The following MLNR variants were observed in gnomAD, a reference collection of about 807,000 sequenced individuals.
The protein encoded by MLNR is motilin receptor, also known as G protein-coupled receptor 38.
In MLNR, 16 loss-of-function variants were observed where a neutral mutation model predicts 20.0. That is an observed-to-expected ratio of 0.80 (90% CI 0.54 to 1.22). MLNR has a LOEUF of 1.22. MLNR is among the 50% of genes most tolerant of loss of function. The pLI is 0.00. For synonymous variants in MLNR, 302 were observed against 287.2 expected, an observed-to-expected ratio of 1.05 and a Z score of -0.52; for missense variants, 630 against 592.3, an observed-to-expected ratio of 1.06 and a Z score of -0.66.
At position 49,221,053 on chromosome 13, in the gene MLNR, CCG is replaced by C. The variant is rs757735097; in HGVS notation, c.720_721del (p.Gln241AlafsTer96). On this transcript the variant is annotated frameshift_variant, in exon 1 of 2. Coordinates refer to ENST00000218721, the MANE Select transcript of MLNR (RefSeq NM_001507.1). LOFTEE classifies it high-confidence loss of function. ...TTCAGCCGCGAATGCCGGCCGAGCC[CCG>C]CGCAGCTGGGCGCGCTGCGTGTCAT... 2 of 1,573,486 alleles carry C rather than the reference CCG, an allele frequency of 1.3e-6. No homozygotes were observed. The highest frequency in any genetic ancestry group is 1.7e-5 in the Admixed American group (1 of 57,214).
At chr13:49,221,614 A>C (rs1375957643) in intron 1 of MLNR, among the ~76,000 whole-genome samples, 1 of 152,270 alleles carries the variant, frequency 6.6e-6, no homozygotes, top group Non-Finnish European at 1.5e-5. Flanking sequence ...GGGAGATTTC[A>C]TTAAGCTAAA....
Position 49,222,076 on chromosome 13 carries a change from C to T in MLNR, c.938C>T (p.Pro313Leu), listed in dbSNP as rs766557972. 4 of 1,613,968 alleles carry T rather than the reference C, an allele frequency of 2.5e-6. No homozygotes were observed. Among genetic ancestry groups the T allele is most frequent in the Non-Finnish European group, 3.4e-6 (4 of 1,179,984 alleles). The change falls in exon 2 of 2, where the codon CCC (proline) becomes CTC (leucine). Residue 313 changes from proline to leucine, a missense_variant. By Grantham distance (98) the Pro-to-Leu change is moderately conservative. Transcript: ENST00000218721. Reference protein sequence around the residue: ...VVLAFIICWLPFHVGRIIYIN... With the variant: ...VVLAFIICWLLFHVGRIIYIN... ...CTGGCATTTATAATTTGCTGGTTGC[C>T]CTTCCACGTTGGCAGAATCATTTAC...
At position 49,220,469 on chromosome 13, in the gene MLNR, G is replaced by T; in HGVS notation, c.132G>T (p.Val44=). The change falls in exon 1 of 2, where the codon GTG becomes GTT. Residue 44 remains valine (V), a synonymous_variant. Coordinates refer to ENST00000218721, the MANE Select transcript of MLNR (RefSeq NM_001507.1). This position sits in a 1 kb window ranked among gnomAD's most constrained non-coding sequence, Gnocchi z 4.4. ...PLGALVPVTA[V]CLCLFVVGVS... ...GGGCGCTGGTGCCGGTGACCGCTGT[G>T]TGCCTGTGCCTGTTCGTCGTCGGGG... The T allele has an allele frequency of 6.3e-7, 1 of 1,576,530 alleles. No homozygotes were observed.
At position 49,222,314 on chromosome 13, in the gene MLNR, G is replaced by A; in HGVS notation, c.1176G>A (p.Gly392=). The part of the protein sequence containing the change: ...RSRDTAGEVA[G]DTGGDTVGYT... Reference sequence around the variant, plus strand: ...GGGACACTGCGGGGGAAGTTGCAGGGGACACTGGAGGAGACACGGTGGGCT... The same window carrying A: ...GGGACACTGCGGGGGAAGTTGCAGGAGACACTGGAGGAGACACGGTGGGCT... The change falls in exon 2 of 2, where the codon GGG becomes GGA. Residue 392 remains glycine (G), a synonymous_variant. Transcript: ENST00000218721. 6.2e-7 allele frequency: 1 copy of A among 1,613,820 alleles called. No homozygotes were observed.
Position 49,220,979 on chromosome 13 carries a change from A to ACCGCCGTCC in MLNR, c.651_659dup (p.Pro218_Ser220dup), listed in dbSNP as rs1447307884. Reference sequence around the variant, plus strand: ...CGCCTCTCTGGCTCTCGCGGGCGCCACCGCCGTCCCCGCCGTCGGGGCCCG... The same window carrying ACCGCCGTCC: ...CGCCTCTCTGGCTCTCGCGGGCGCCACCGCCGTCCCCGCCGTCCCCGCCGTCGGGGCCCG... On this transcript the variant is annotated inframe_insertion, in exon 1 of 2. Coordinates refer to ENST00000218721, the MANE Select transcript of MLNR (RefSeq NM_001507.1). This position sits in a 1 kb window ranked among gnomAD's most constrained non-coding sequence, Gnocchi z 4.4. 2 of 1,490,682 alleles carry ACCGCCGTCC rather than the reference A, an allele frequency of 1.3e-6. No homozygotes were observed. Among genetic ancestry groups the ACCGCCGTCC allele is most frequent in the South Asian group, 1.3e-5 (1 of 78,444 alleles). 92.3% of individuals were successfully genotyped at this position (1,490,682 alleles called of 1,614,324 possible). A position where few individuals can be genotyped will look rare whatever the true frequency, so the allele number is the denominator to read the frequency against.
chr13:49,220,973 G>T lies in MLNR; in HGVS notation c.636G>T (p.Arg212=). The change falls in exon 1 of 2, where the codon CGG becomes CGT. Residue 212 remains arginine, a synonymous_variant. Coordinates refer to ENST00000218721, the MANE Select transcript of MLNR (RefSeq NM_001507.1). This position sits in a 1 kb window ranked among gnomAD's most constrained non-coding sequence, Gnocchi z 4.4. The part of the protein sequence containing the change: ...LASSPPLWLS[R]APPPSPPSGP... Reference sequence around the variant, plus strand: ...CGTCGCCGCCTCTCTGGCTCTCGCGGGCGCCACCGCCGTCCCCGCCGTCGG... The same window carrying T: ...CGTCGCCGCCTCTCTGGCTCTCGCGTGCGCCACCGCCGTCCCCGCCGTCGG... 1 of 1,493,092 alleles carries T rather than the reference G, an allele frequency of 6.7e-7. No homozygotes were observed. The highest frequency in any genetic ancestry group is 8.9e-7 in the Non-Finnish European group (1 of 1,126,678). The allele number at this position is 1,493,092 out of a possible 1,614,324, so 92.5% of individuals were successfully genotyped here. A position where few individuals can be genotyped will look rare whatever the true frequency, so the allele number is the denominator to read the frequency against.
In MLNR at chr13:49,221,158, T is replaced by C. The variant is rs770340952; in HGVS notation, c.821T>C (p.Leu274Pro). The C allele has an allele frequency of 6.3e-7, 1 of 1,590,014 alleles. No homozygotes were observed. Among genetic ancestry groups the C allele is most frequent in the Non-Finnish European group, 8.5e-7 (1 of 1,176,542 alleles). ...CTCTACGGGCTCATCGGGCGGGAGC[T>C]GTGGAGCAGCCGGCGGCCGCTGCGA... ...SILYGLIGRELWSSRRPLRGP... is the reference protein window; with the variant it reads ...SILYGLIGREPWSSRRPLRGP... The change falls in exon 1 of 2, where the codon CTG (leucine) becomes CCG (proline). Residue 274 changes from leucine to proline, a missense_variant. By Grantham distance (98) the Leu-to-Pro change is moderately conservative (BLOSUM62 -3). Transcript: ENST00000218721.
In MLNR at chr13:49,221,165, C is replaced by T. The variant is rs748956186; in HGVS notation, c.828C>T (p.Ser276=). The change falls in exon 1 of 2, where the codon AGC becomes AGT. Residue 276 remains serine (S), a synonymous_variant. Coordinates refer to ENST00000218721, the MANE Select transcript of MLNR (RefSeq NM_001507.1). ...LYGLIGRELW[S]SRRPLRGPAA... ...GGCTCATCGGGCGGGAGCTGTGGAGCAGCCGGCGGCCGCTGCGAGGCCCGG... is the reference window on the plus strand; with the variant it reads ...GGCTCATCGGGCGGGAGCTGTGGAGTAGCCGGCGGCCGCTGCGAGGCCCGG... 1.9e-5 allele frequency: 30 copies of T among 1,587,864 alleles called. No individual in the cohort carries two copies. Among genetic ancestry groups the T allele is most frequent in the Non-Finnish European group, 2.6e-5 (30 of 1,175,870 alleles).
rs760118501 is a variant in MLNR, at chr13:49,222,216, A to C, written c.1078A>C (p.Lys360Gln). 1.9e-6 allele frequency: 3 copies of C among 1,614,096 alleles called. No homozygotes were observed. The South Asian group carries it at 3.3e-5, about 18-fold the overall frequency. ...INPILYNLISKKYRAAAFKLL... is the reference protein window; with the variant it reads ...INPILYNLISQKYRAAAFKLL... ...CCCAATCCTCTACAACCTCATTTCA[A>C]AGAAGTACAGAGCGGCGGCCTTTAA... The change falls in exon 2 of 2, where the codon AAG becomes CAG. Residue 360 changes from lysine (K) to glutamine (Q), a missense_variant. Coordinates refer to ENST00000218721, the MANE Select transcript of MLNR (RefSeq NM_001507.1).
Position 49,222,331 on chromosome 13 carries a change from C to A in MLNR, c.1193C>A (p.Thr398Lys), listed in dbSNP as rs200347707. Residue 398 changes from threonine to lysine, a missense_variant, in exon 2 of 2, where the codon ACG becomes AAG. By Grantham distance (78) the Thr-to-Lys change is moderately conservative. Coordinates refer to ENST00000218721, the MANE Select transcript of MLNR (RefSeq NM_001507.1). ...GTTGCAGGGGACACTGGAGGAGACA[C>A]GGTGGGCTACACCGAGACAAGCGCT... Reference protein sequence around the residue: ...GEVAGDTGGDTVGYTETSANV... With the variant: ...GEVAGDTGGDKVGYTETSANV... 1.9e-6 allele frequency: 3 copies of A among 1,610,408 alleles called. No individual in the cohort carries two copies. Among genetic ancestry groups the A allele is most frequent in the South Asian group, 2.2e-5 (2 of 90,818 alleles).
chr13:49,221,481 T>G, intron 1 of MLNR: 6 of 546,274 alleles, frequency 1.1e-5, no homozygotes, highest in Admixed American at 3.3e-5. Flanking sequence ...CCGGATCCGA[T>G]TCAGTAACCA....
rs753311819 is a variant in MLNR at position 49,220,601 on chromosome 13, G to C, written c.264G>C (p.Leu88=). ...GSMAVSDLLI[L]LGLPFDLYRL... The stretch of plus-strand genomic sequence containing the variant: ...TGGCCGTGTCCGACCTACTCATCCT[G>C]CTCGGGCTGCCGTTCGACCTGTACC... The change falls in exon 1 of 2, where the codon CTG becomes CTC. Residue 88 remains leucine, a synonymous_variant. Transcript: ENST00000218721. The surrounding 1 kb of genome is among the most constrained non-coding windows in gnomAD (Gnocchi z 4.4). The C allele has an allele frequency of 3.7e-6, 6 of 1,612,954 alleles. No homozygotes were observed. In the African/African-American group the frequency reaches 8.0e-5, roughly 22 times the overall value.
At position 49,220,535 on chromosome 13, in the gene MLNR, C is replaced by A; in HGVS notation, c.198C>A (p.Tyr66Ter). The change falls in exon 1 of 2, where the codon TAC becomes TAA. Residue 66 changes from tyrosine to a stop codon, truncating the protein, a stop_gained. Coordinates refer to ENST00000218721, the MANE Select transcript of MLNR (RefSeq NM_001507.1). LOFTEE classifies it high-confidence loss of function. The surrounding 1 kb of genome is among the most constrained non-coding windows in gnomAD (Gnocchi z 4.4). The stretch of plus-strand genomic sequence containing the variant: ...TGACCGTGATGCTGATCGGGCGCTA[C>A]CGGGACATGCGGACCACCACCAACT... ...NVVTVMLIGR[Y>*]RDMRTTTNLY... The A allele has an allele frequency of 6.2e-7, 1 of 1,611,514 alleles. No individual in the cohort carries two copies. The highest frequency in any genetic ancestry group is 8.5e-7 in the Non-Finnish European group (1 of 1,178,876).
Position 49,221,197 on chromosome 13 carries a change from C to T in MLNR, c.860C>T (p.Ser287Leu), listed in dbSNP as rs1222294284. 2 of 1,585,746 alleles carry T rather than the reference C, an allele frequency of 1.3e-6. No individual in the cohort carries two copies. Among genetic ancestry groups the T allele is most frequent in the East Asian group, 4.6e-5 (2 of 43,768 alleles). The change falls in exon 1 of 2, where the codon TCG becomes TTG. Residue 287 changes from serine to leucine, a missense_variant. Physicochemically the swap from Ser to Leu is moderately radical, Grantham distance 145. Transcript: ENST00000218721. Reference sequence around the variant, plus strand: ...CGGCCGCTGCGAGGCCCGGCCGCCTCGGGGCGGGAGAGAGGCCACCGGCAG... The same window carrying T: ...CGGCCGCTGCGAGGCCCGGCCGCCTTGGGGCGGGAGAGAGGCCACCGGCAG... ...SRRPLRGPAA[S>L]GRERGHRQTV...
At chr13:49,221,974 C>T (rs887064278) in intron 1 of MLNR, 66 bp from the exon 2 acceptor site, 18 of 1,401,870 alleles carry the variant, frequency 1.3e-5, no homozygotes, top group Middle Eastern at 1.9e-4. Flanking sequence ...GGTTCCTTGT[C>T]GGGGTGGGGG....
chr13:49,221,141 G>A lies in MLNR; in HGVS notation c.804G>A (p.Gly268=), dbSNP rs1260840952. 1 of 1,592,320 alleles carries A rather than the reference G, an allele frequency of 6.3e-7. No individual in the cohort carries two copies. The highest frequency in any genetic ancestry group is 2.3e-5 in the East Asian group (1 of 44,050). The change falls in exon 1 of 2, where the codon GGG becomes GGA. Residue 268 remains glycine (G), a synonymous_variant. Transcript: ENST00000218721. The stretch of plus-strand genomic sequence containing the variant: ...TTCTGTGCCTCAGCATCCTCTACGG[G>A]CTCATCGGGCGGGAGCTGTGGAGCA... ...LPFLCLSILY[G]LIGRELWSSR...
At position 49,221,137 on chromosome 13, in the gene MLNR, A is replaced by G. The variant is rs1887004709; in HGVS notation, c.800A>G (p.Tyr267Cys). The change falls in exon 1 of 2, where the codon TAC (tyrosine) becomes TGC (cysteine). Residue 267 changes from tyrosine (Y) to cysteine (C), a missense_variant. Tyr to Cys is a radical substitution (Grantham distance 194). Transcript: ENST00000218721. ...FLPFLCLSIL[Y>C]GLIGRELWSS... ...CCCTTTCTGTGCCTCAGCATCCTCT[A>G]CGGGCTCATCGGGCGGGAGCTGTGG... is the stretch of plus-strand genomic sequence containing the variant. 2 of 1,592,208 alleles carry G rather than the reference A, an allele frequency of 1.3e-6. No homozygotes were observed. The highest frequency in any genetic ancestry group is 8.5e-7 in the Non-Finnish European group (1 of 1,177,422).
At position 49,220,969 on chromosome 13, in the gene MLNR, C is replaced by T; in HGVS notation, c.632C>T (p.Ser211Leu). 2 of 1,494,728 alleles carry T rather than the reference C, an allele frequency of 1.3e-6. No homozygotes were observed. Among genetic ancestry groups the T allele is most frequent in the Non-Finnish European group, 8.9e-7 (1 of 1,127,134 alleles). The allele number at this position is 1,494,728 out of a possible 1,614,324, so 92.6% of individuals were successfully genotyped here. The change falls in exon 1 of 2, where the codon TCG (serine) becomes TTG (leucine). Residue 211 changes from serine (S) to leucine (L), a missense_variant. Coordinates refer to ENST00000218721, the MANE Select transcript of MLNR (RefSeq NM_001507.1). This position sits in a 1 kb window ranked among gnomAD's most constrained non-coding sequence, Gnocchi z 4.4. Reference protein sequence around the residue: ...PLASSPPLWLSRAPPPSPPSG... With the variant: ...PLASSPPLWLLRAPPPSPPSG... The stretch of plus-strand genomic sequence containing the variant: ...GCCTCGTCGCCGCCTCTCTGGCTCT[C>T]GCGGGCGCCACCGCCGTCCCCGCCG...
chr13:49,222,371 G>A lies in MLNR; in HGVS notation c.1233G>A (p.Met411Ile). The part of the protein sequence containing the change: ...YTETSANVKT[M>I]G ...AGACAAGCGCTAACGTGAAGACGAT[G>A]GGATAACCAGCACGGCCAAGCCAGG... The change falls in exon 2 of 2, where the codon ATG becomes ATA. Residue 411 changes from methionine (M) to isoleucine (I), a missense_variant. Transcript: ENST00000218721. 1.2e-6 allele frequency: 2 copies of A among 1,609,082 alleles called. No homozygotes were observed. The highest frequency in any genetic ancestry group is 1.7e-6 in the Non-Finnish European group (2 of 1,177,818).
Sources: gnomAD v4.1 joint callset for allele counts (sites outside exome capture counted in the v4.1 genomes callset) on GRCh38, gnomAD v4.1.1 for gene constraint, Gnocchi (gnomAD v3.1) non-coding constraint, MANE v1.5 for transcripts, NCBI Gene and HGNC (gene_info 2026-07-23, HGNC 2026-07-21) for gene names.